The following SPICE1 variants were observed in gnomAD, a reference collection of about 807,000 sequenced individuals.
The protein encoded by SPICE1 is spindle and centriole-associated protein 1.
SPICE1 carries 75 observed loss-of-function variants against 102.7 expected under a neutral mutation model. That is an observed-to-expected ratio of 0.73 (90% CI 0.61 to 0.88). The LOEUF is 0.88. SPICE1 is among the 40% of genes least tolerant of loss of function. SPICE1 has a pLI of 0.00. For synonymous variants in SPICE1, 308 were observed against 350.3 expected (o/e 0.88, Z 1.35); for missense variants, 979 against 1,020.1 (o/e 0.96, Z 0.55).
chr3:113,469,949 A>G (rs1936156706), intron 7 of SPICE1, among the ~76,000 whole-genome samples: 1 of 152,144 alleles, frequency 6.6e-6, no homozygotes, highest in Non-Finnish European at 1.5e-5. Flanking sequence ...AAGTAAATTG[A>G]CCACAGCATA....
chr3:113,498,016 A>T (rs188723078), intron 4 of SPICE1, among the ~76,000 whole-genome samples: 1 of 152,058 alleles, frequency 6.6e-6, no homozygotes, highest in Non-Finnish European at 1.5e-5. Context: ...AGCTGGGATT[A>T]CAGGCACCCG....
At chr3:113,495,746 G>A (rs1936868075) in intron 4 of SPICE1, among the ~76,000 whole-genome samples, 1 of 152,200 alleles carries the variant, frequency 6.6e-6, no homozygotes, top group African/African-American at 2.4e-5. Context: ...GAATGTGAAT[G>A]AATGAGTATA....
intron 11 of SPICE1, among the ~76,000 whole-genome samples, chr3:113,462,323 G>A (rs1163997717): frequency 2.0e-5 from 3 of 152,188 alleles, no homozygotes; most frequent in African/African-American, 7.2e-5. Flanking sequence ...ACTTACAGGG[G>A]CACCGGGGAA....
intron 7 of SPICE1, among the ~76,000 whole-genome samples, chr3:113,481,520 C>T (rs1226530220): frequency 6.6e-6 from 1 of 151,822 alleles, no homozygotes; most frequent in Non-Finnish European, 1.5e-5. Flanking sequence ...CACCCATCAA[C>T]CTGTCACCTA....
Position 113,465,793 on chromosome 3 carries a change from A to G in SPICE1, c.1156-9T>C, listed in dbSNP as rs756822732. ...CGTAGCTGGATCTCACTCTACAAAA[A>G]AATATCAAATAAACTTCCACCAATA... On this transcript the variant is annotated splice_polypyrimidine_tract_variant and intron_variant, in intron 10 of 17. Coordinates refer to ENST00000295872, the MANE Select transcript of SPICE1 (RefSeq NM_144718.4). 1.2e-6 allele frequency: 2 copies of G among 1,607,858 alleles called. No individual in the cohort carries two copies. Among genetic ancestry groups the G allele is most frequent in the African/African-American group, 2.7e-5 (2 of 74,730 alleles).
intron 7 of SPICE1, among the ~76,000 whole-genome samples, chr3:113,480,407 CA>C (rs1240485412): frequency 6.6e-6 from 1 of 151,812 alleles, no homozygotes; most frequent in Admixed American, 6.6e-5. Context: ...GCTGCAGACA[CA>C]AAAAAACTAC....
intron 1 of SPICE1, among the ~76,000 whole-genome samples, chr3:113,507,955 T>C (rs1937144445): frequency 6.6e-6 from 1 of 152,102 alleles, no homozygotes; most frequent in Non-Finnish European, 1.5e-5. Flanking sequence ...CAGAATATAA[T>C]AGAACAAAGA....
chr3:113,505,226 C>T (rs1304708637), intron 2 of SPICE1, among the ~76,000 whole-genome samples: 1 of 152,130 alleles, frequency 6.6e-6, no homozygotes, highest in African/African-American at 2.4e-5. Flanking sequence ...TAAATGAACC[C>T]GTGCAGCTCA....
Position 113,506,584 on chromosome 3 carries a change from G to A in SPICE1, c.22C>T (p.Arg8Cys), listed in dbSNP as rs150968668. ...CTTACACCAACTCGGGGACCACAGC[G>A]GTTCACTCTGACAAATGACATCTAG... MSFVRVN[R>C]CGPRVGVRKT... The change falls in exon 2 of 18, where the codon CGC becomes TGC. Residue 8 changes from arginine (R) to cysteine (C), a missense_variant. Transcript: ENST00000295872. 324 of 1,612,538 alleles carry A rather than the reference G, an allele frequency of 2.0e-4. 4 individuals are homozygous for A. The highest frequency in any genetic ancestry group is 1.7e-3 in the South Asian group (154 of 90,972).
chr3:113,494,404 T>C (rs1439347137), intron 4 of SPICE1, among the ~76,000 whole-genome samples: 1 of 152,074 alleles, frequency 6.6e-6, no homozygotes, highest in Non-Finnish European at 1.5e-5. Context: ...TCCCAGCACT[T>C]TGGGAGGCCG....
At position 113,468,810 on chromosome 3, in the gene SPICE1, C is replaced by A. The variant is rs1418922026; in HGVS notation, c.841G>T (p.Val281Leu). The change falls in exon 9 of 18, where the codon GTG becomes TTG. Residue 281 changes from valine (V) to leucine (L), a missense_variant. Transcript: ENST00000295872. ...TTCCTTGAGTTCAGCACGTGTCCCA[C>A]AACGTAGCTTGAGTCTAGAGTCTCA... ...STETLDSSYV[V>L]GHVLNSRKQK... 3 of 1,614,172 alleles carry A rather than the reference C, an allele frequency of 1.9e-6. No individual in the cohort carries two copies. The highest frequency in any genetic ancestry group is 1.6e-4 in the Middle Eastern group (1 of 6,062).
In SPICE1 at chr3:113,446,598, T is replaced by TG. The variant is rs1341225740; in HGVS notation, c.2504dup (p.Arg836LysfsTer5). Reference sequence around the variant, plus strand: ...ACATTTTAACGTGTACCTTTGCTCTTGGATTAAGAGGTGTGAATCTCCCAC... The same window carrying TG: ...ACATTTTAACGTGTACCTTTGCTCTTGGGATTAAGAGGTGTGAATCTCCCAC... On this transcript the variant is annotated frameshift_variant, in exon 17 of 18. Coordinates refer to ENST00000295872, the MANE Select transcript of SPICE1 (RefSeq NM_144718.4). LOFTEE classifies it high-confidence loss of function. The TG allele has an allele frequency of 6.2e-7, 1 of 1,613,214 alleles. No homozygotes were observed. The highest frequency in any genetic ancestry group is 8.5e-7 in the Non-Finnish European group (1 of 1,179,412).
intron 10 of SPICE1, among the ~76,000 whole-genome samples, chr3:113,467,105 T>C (rs1439191157): frequency 6.6e-6 from 1 of 152,190 alleles, no homozygotes; most frequent in East Asian, 1.9e-4. Flanking sequence ...CTAAAACATC[T>C]GTATTAAGGT....
intron 10 of SPICE1, among the ~76,000 whole-genome samples, chr3:113,467,049 C>T (rs996072716): frequency 1.3e-5 from 2 of 151,550 alleles, no homozygotes; most frequent in Admixed American, 6.6e-5. Context: ...GAGACCCTGT[C>T]TCAAAAAAAA....
rs1935713878 is a variant in SPICE1, at chr3:113,453,709, G to A, written c.1899C>T (p.Ser633=). 3.1e-6 allele frequency: 5 copies of A among 1,613,968 alleles called. No individual in the cohort carries two copies. Among genetic ancestry groups the A allele is most frequent in the Non-Finnish European group, 2.5e-6 (3 of 1,180,034 alleles). ...TGGGGCTTCTTGACTGTTGAGTGTT[G>A]GAATGGGAATTGCAGAGGGGCTGTG... is the stretch of plus-strand genomic sequence containing the variant. ...NLSQPLCNSH[S]NTQQSRSPTF... The change falls in exon 14 of 18, where the codon TCC becomes TCT. Residue 633 remains serine (S), a synonymous_variant. Transcript: ENST00000295872.
chr3:113,445,655 G>A (rs1460450945), intron 17 of SPICE1, among the ~76,000 whole-genome samples: 1 of 151,968 alleles, frequency 6.6e-6, no homozygotes, highest in Admixed American at 6.6e-5. Flanking sequence ...GCAGTTATTT[G>A]GTCTTAGTAA....
At chr3:113,512,821 A>T (rs1474147996) in intron 1 of SPICE1, among the ~76,000 whole-genome samples, 1 of 152,088 alleles carries the variant, frequency 6.6e-6, no homozygotes, top group Non-Finnish European at 1.5e-5. Context: ...TTGTCTTTCC[A>T]TTAGATACCC....
In SPICE1 at chr3:113,457,125, A is replaced by T; in HGVS notation, c.1657+11T>A. On this transcript the variant is annotated intron_variant, in intron 13 of 17. Transcript: ENST00000295872. ...AAAACAACTTTCATGTAACTTTAGAAGAAGACTTACCGTCCTGAAGAGGAG... is the reference window on the plus strand; with the variant it reads ...AAAACAACTTTCATGTAACTTTAGATGAAGACTTACCGTCCTGAAGAGGAG... 1 of 1,610,054 alleles carries T rather than the reference A, an allele frequency of 6.2e-7. No individual in the cohort carries two copies. Among genetic ancestry groups the T allele is most frequent in the South Asian group, 1.1e-5 (1 of 90,690 alleles).
chr3:113,452,068 T>C (rs528912180), intron 14 of SPICE1, among the ~76,000 whole-genome samples: 1 of 152,308 alleles, frequency 6.6e-6, no homozygotes, highest in East Asian at 1.9e-4. Context: ...CTACCATCAC[T>C]GGAACCAGCA....
Sources: gnomAD v4.1 joint callset for allele counts (sites outside exome capture counted in the v4.1 genomes callset) on GRCh38, gnomAD v4.1.1 for gene constraint, MANE v1.5 for transcripts, NCBI Gene and HGNC (gene_info 2026-07-23, HGNC 2026-07-21) for gene names.